DAZL: variants seen among roughly 807,000 people sequenced by gnomAD.
The protein encoded by DAZL is deleted in azoospermia like.
A neutral mutation model predicts 45.0 loss-of-function variants in DAZL; 4 were observed. That is an observed-to-expected ratio of 0.09 (90% CI 0.04 to 0.20). The LOEUF (loss-of-function observed/expected upper bound fraction) is 0.20, where lower values mean the gene tolerates loss of function less well. Among genes scored for constraint, DAZL ranks in the 10% least tolerant of loss-of-function variants. The probability of loss-of-function intolerance (pLI) is 1.00; values close to 1 mark genes in which losing one functional copy is unlikely to be tolerated. For missense variants in DAZL, 326 were observed against 351.3 expected, an observed-to-expected ratio of 0.93 and a Z score of 0.58; for synonymous variants, 122 against 112.4, an observed-to-expected ratio of 1.09 and a Z score of -0.54.
intron 1 of DAZL, among the ~76,000 whole-genome samples, chr3:16,600,081 C>G (rs764248528): frequency 6.6e-5 from 10 of 151,920 alleles, no homozygotes; most frequent in Admixed American, 2.6e-4. Context: ...CGAATTGAAA[C>G]ATCAGGAAAC....
chr3:16,593,358 T>C (rs1199325177), intron 9 of DAZL, among the ~76,000 whole-genome samples: 1 of 152,232 alleles, frequency 6.6e-6, no homozygotes, highest in African/African-American at 2.4e-5. Context: ...TTAAGATCTA[T>C]AATTTATGGC....
At chr3:16,603,368 C>G (rs1694721888) in intron 1 of DAZL, among the ~76,000 whole-genome samples, 1 of 149,836 alleles carries the variant, frequency 6.7e-6, no homozygotes, top group Non-Finnish European at 1.5e-5. Context: ...TTTTTTGAGA[C>G]TGAGCCTCCC....
At chr3:16,602,991 T>G (rs574846197) in intron 1 of DAZL, among the ~76,000 whole-genome samples, 1 of 152,184 alleles carries the variant, frequency 6.6e-6, no homozygotes, top group East Asian at 1.9e-4. Context: ...TAATGATCGA[T>G]CAACTTCATT....
chr3:16,603,508 G>A (rs539343605), intron 1 of DAZL, among the ~76,000 whole-genome samples: 2 of 151,828 alleles, frequency 1.3e-5, no homozygotes, highest in South Asian at 4.2e-4. Flanking sequence ...CACCACGCCT[G>A]GCAAATTTTT....
At position 16,590,200 on chromosome 3, in the gene DAZL, T is replaced by C. The variant is rs149766198; in HGVS notation, c.835-1487A>G. ...TATACAATTTCAGTTCCTTCTTTTCTAAATTATACTATCTATGTAGAATGA... is the reference window on the plus strand; with the variant it reads ...TATACAATTTCAGTTCCTTCTTTTCCAAATTATACTATCTATGTAGAATGA... On this transcript the variant is annotated intron_variant, in intron 10 of 10. Coordinates refer to ENST00000399444, the MANE Select transcript of DAZL (RefSeq NM_001351.4). 3.3e-3 allele frequency among the ~76,000 whole-genome samples: 498 copies of C among 152,316 alleles called. 8 individuals are homozygous for C. Among genetic ancestry groups the C allele is most frequent in the African/African-American group, 0.011 (472 of 41,588 alleles).
chr3:16,595,726 A>C (rs963090487), intron 6 of DAZL, among the ~76,000 whole-genome samples: 5 of 147,340 alleles, frequency 3.4e-5, no homozygotes, highest in Admixed American at 7.0e-5. Context: ...AAGTTAAATT[A>C]ATACATTTGC....
intron 1 of DAZL, among the ~76,000 whole-genome samples, chr3:16,600,492 C>CAATA (rs943020704): frequency 4.1e-4 from 62 of 152,232 alleles, no homozygotes; most frequent in African/African-American, 1.5e-3. Flanking sequence ...AATTTAAAAA[C>CAATA]TATTTCTACA....
chr3:16,599,502 A>T, intron 1 of DAZL, among the ~76,000 whole-genome samples: 1 of 152,216 alleles, frequency 6.6e-6, no homozygotes, highest in Non-Finnish European at 1.5e-5. Context: ...CTCCTTCTAA[A>T]AAAAGGATTA....
intron 1 of DAZL, among the ~76,000 whole-genome samples, chr3:16,600,844 AAG>A (rs1399096777): frequency 6.6e-6 from 1 of 152,220 alleles, no homozygotes; most frequent in African/African-American, 2.4e-5. Flanking sequence ...GTCAGATTAT[AAG>A]AGGTCATGAT....
intron 1 of DAZL, among the ~76,000 whole-genome samples, chr3:16,600,871 C>CA (rs1694679757): frequency 6.6e-6 from 1 of 152,154 alleles, no homozygotes; most frequent in African/African-American, 2.4e-5. Context: ...CATTGATTCT[C>CA]AACTGGGGAA....
intron 2 of DAZL, 116 bp downstream of exon 2, chr3:16,598,336 T>C: frequency 1.3e-6 from 2 of 1,482,250 alleles, no homozygotes; most frequent in Non-Finnish European, 1.9e-6. Context: ...ATGGGTCAAA[T>C]GTAAAACCAA....
intron 1 of DAZL, 101 bp downstream of exon 1, chr3:16,605,102 A>G (rs1694758542): frequency 1.3e-6 from 2 of 1,487,382 alleles, no homozygotes; most frequent in Non-Finnish European, 1.9e-6. Context: ...CCCAAACAGG[A>G]AAGCCGAGGA....
chr3:16,597,986 C>A (rs1694626020), intron 3 of DAZL, 101 bp downstream of exon 3: 1 of 1,225,456 alleles, frequency 8.2e-7, no homozygotes, highest in African/African-American at 1.5e-5. Flanking sequence ...GAAATTAACA[C>A]AGCAACAAAT....
chr3:16,597,610 T>C (rs895999022), intron 3 of DAZL, 69 bp from the exon 4 acceptor site: 7 of 950,682 alleles, frequency 7.4e-6, no homozygotes, highest in African/African-American at 3.2e-5. Context: ...TTCTACTATA[T>C]ACGGAAGTGA....
At position 16,588,522 on chromosome 3, in the gene DAZL, T is replaced by C; in HGVS notation, c.*138A>G. ...AATGAAGAACAGTTTAAGATAAAAC[T>C]AGAGAGTCTAATAATACAACTTATA... On this transcript the variant is annotated 3_prime_UTR_variant, in exon 11 of 11. Transcript: ENST00000399444. 1 of 730,076 alleles carries C rather than the reference T, an allele frequency of 1.4e-6. No homozygotes were observed. The highest frequency in any genetic ancestry group is 1.5e-5 in the South Asian group (1 of 68,178). 45.2% of individuals were successfully genotyped at this position (730,076 alleles called of 1,614,324 possible).
chr3:16,586,958 T>C lies in DAZL; in HGVS notation c.*1702A>G, dbSNP rs1694446973. ...TGCTTCACTCCAACAAAGACAAAAA[T>C]TTATTCCCTTACTTTTCCTTAAGGT... is the stretch of plus-strand genomic sequence containing the variant. On this transcript the variant is annotated 3_prime_UTR_variant, in exon 11 of 11. Coordinates refer to ENST00000399444, the MANE Select transcript of DAZL (RefSeq NM_001351.4). 1 of 152,172 alleles carries C rather than the reference T, an allele frequency of 6.6e-6. No individual in the cohort carries two copies. 9.4% of individuals were successfully genotyped at this position (152,172 alleles called of 1,614,324 possible).
chr3:16,591,010 C>G (rs986854306), intron 10 of DAZL, among the ~76,000 whole-genome samples: 3 of 152,158 alleles, frequency 2.0e-5, no homozygotes, highest in African/African-American at 7.2e-5. Flanking sequence ...AATTGTATTA[C>G]TGGTATCTCA....
intron 10 of DAZL, among the ~76,000 whole-genome samples, chr3:16,589,818 T>C (rs1308288360): frequency 6.6e-6 from 1 of 151,988 alleles, no homozygotes; most frequent in African/African-American, 2.4e-5. Context: ...ATCCCAGCAC[T>C]TTGGGAGGCT....
chr3:16,593,771 A>G lies in DAZL; in HGVS notation c.622-3T>C. ...TGGTAGTTAACAGCTGAATAAGCCT[A>G]TATTTAAAATAATGAAAGTGTAATT... On this transcript the variant is annotated splice_polypyrimidine_tract_variant and splice_region_variant and intron_variant, in intron 8 of 10. Coordinates refer to ENST00000399444, the MANE Select transcript of DAZL (RefSeq NM_001351.4). 1 of 1,571,336 alleles carries G rather than the reference A, an allele frequency of 6.4e-7. No individual in the cohort carries two copies.
Sources: gnomAD v4.1 joint callset for allele counts (sites outside exome capture counted in the v4.1 genomes callset) on GRCh38, gnomAD v4.1.1 for gene constraint, MANE v1.5 for transcripts, NCBI Gene and HGNC (gene_info 2026-07-23, HGNC 2026-07-21) for gene names.